Variants in MAN2A1 observed in about 807,000 individuals in gnomAD.
MAN2A1 encodes mannosidase alpha class 2A member 1, also known as alpha-mannosidase 2.
In MAN2A1, 76 loss-of-function variants were observed where a neutral mutation model predicts 142.6. That is an observed-to-expected ratio of 0.53 (90% CI 0.44 to 0.65). MAN2A1 has a LOEUF of 0.65. Among genes scored for constraint, MAN2A1 ranks in the 30% least tolerant of loss-of-function variants. The pLI is 0.00. For synonymous variants in MAN2A1, 559 were observed against 473.2 expected (o/e 1.18, Z -2.35); for missense variants, 1,311 against 1,365.1 (o/e 0.96, Z 0.62).
chr5:109,690,950 C>T (rs1750653684), intron 1 of MAN2A1, among the ~76,000 whole-genome samples: 1 of 152,166 alleles, frequency 6.6e-6, no homozygotes, highest in African/African-American at 2.4e-5. Flanking sequence ...AAGCCGCCCG[C>T]ACCAGCCCAG....
At chr5:109,693,690 A>C (rs1750735800) in intron 1 of MAN2A1, among the ~76,000 whole-genome samples, 1 of 152,018 alleles carries the variant, frequency 6.6e-6, no homozygotes, top group Non-Finnish European at 1.5e-5. Flanking sequence ...AGGGTGCTCC[A>C]GTTTCTCTCA....
At chr5:109,720,709 T>G (rs2112571605) in intron 3 of MAN2A1, among the ~76,000 whole-genome samples, 1 of 152,228 alleles carries the variant, frequency 6.6e-6, no homozygotes, top group African/African-American at 2.4e-5. Flanking sequence ...TCAAAATATT[T>G]TGAGAAAGTT....
rs1205296598 is a variant in MAN2A1 at position 109,734,195 on chromosome 5, G to A, written c.707+4682G>A. ...CTGATGGTAGTTTGTATTTCTGTGG[G>A]ATCGGTGGTGATATCCCCTTTATCA... is the stretch of plus-strand genomic sequence containing the variant. On this transcript the variant is annotated intron_variant, in intron 4 of 21. Transcript: ENST00000261483. Among the ~76,000 whole-genome samples the A allele has an allele frequency of 3.3e-5, 5 of 151,132 alleles. No individual in the cohort carries two copies. The East Asian group carries it at 9.7e-4, about 29-fold the overall frequency.
intron 1 of MAN2A1, among the ~76,000 whole-genome samples, chr5:109,712,174 A>T (rs1751320355): frequency 6.6e-6 from 1 of 150,618 alleles, no homozygotes; most frequent in African/African-American, 2.4e-5. Context: ...TGCTCAAATG[A>T]TTGGCCTTTT....
intron 4 of MAN2A1, among the ~76,000 whole-genome samples, chr5:109,739,627 A>T (rs188289570): frequency 5.3e-5 from 8 of 152,096 alleles, no homozygotes; most frequent in Non-Finnish European, 1.2e-4. Context: ...TTTTTTATTT[A>T]TCCGTGAGCA....
intron 19 of MAN2A1, among the ~76,000 whole-genome samples, chr5:109,852,102 C>T (rs1264165211): frequency 1.3e-5 from 2 of 148,386 alleles, no homozygotes; most frequent in African/African-American, 2.5e-5. Context: ...TTTGAGGTTG[C>T]TTTTTTATTA....
At chr5:109,776,731 C>A (rs1344552816) in intron 8 of MAN2A1, among the ~76,000 whole-genome samples, 1 of 152,098 alleles carries the variant, frequency 6.6e-6, no homozygotes, top group East Asian at 1.9e-4. Context: ...CTTTTATTGT[C>A]CCTCAGATCT....
intron 3 of MAN2A1, among the ~76,000 whole-genome samples, chr5:109,724,207 C>T (rs1003257376): frequency 2.0e-5 from 3 of 151,854 alleles, no homozygotes; most frequent in Admixed American, 6.6e-5. Flanking sequence ...GAAACCTGTT[C>T]GTCATTTTTT....
At chr5:109,850,948 T>C (rs964078198) in intron 19 of MAN2A1, among the ~76,000 whole-genome samples, 7 of 152,202 alleles carry the variant, frequency 4.6e-5, no homozygotes, top group Admixed American at 3.9e-4. Flanking sequence ...AGACACTTAA[T>C]TGATGAAAGT....
chr5:109,793,135 T>G (rs1214733680), intron 12 of MAN2A1, among the ~76,000 whole-genome samples: 1 of 152,104 alleles, frequency 6.6e-6, no homozygotes, highest in African/African-American at 2.4e-5. Flanking sequence ...AGTTCACCTA[T>G]AGGCTACCTC....
At chr5:109,837,275 T>G (rs941215824) in intron 16 of MAN2A1, among the ~76,000 whole-genome samples, 9 of 150,954 alleles carry the variant, frequency 6.0e-5, no homozygotes, top group Admixed American at 3.3e-4. Flanking sequence ...TAAAAGAGAG[T>G]TTTGGGTTGT....
In MAN2A1 at chr5:109,690,224, G is replaced by C; in HGVS notation, c.-194G>C. ...CGACCCCGGGGAGGGCGGCAGGCCA[G>C]GGCGAAGGCCAAGGGCGTGTGGTGG... On this transcript the variant is annotated 5_prime_UTR_variant, in exon 1 of 22. Transcript: ENST00000261483. 1.7e-6 allele frequency: 1 copy of C among 593,028 alleles called. No homozygotes were observed. The highest frequency in any genetic ancestry group is 3.0e-6 in the Non-Finnish European group (1 of 334,418). 36.7% of individuals were successfully genotyped at this position (593,028 alleles called of 1,614,324 possible). A position where few individuals can be genotyped will look rare whatever the true frequency, so the allele number is the denominator to read the frequency against.
intron 4 of MAN2A1, among the ~76,000 whole-genome samples, chr5:109,730,104 T>C (rs1368352591): frequency 1.3e-5 from 2 of 152,196 alleles, no homozygotes; most frequent in East Asian, 3.8e-4. Context: ...GACACCTGTA[T>C]AGTTTGTTTC....
intron 15 of MAN2A1, among the ~76,000 whole-genome samples, chr5:109,823,040 C>A (rs1476185234): frequency 6.6e-6 from 1 of 152,170 alleles, no homozygotes; most frequent in Non-Finnish European, 1.5e-5. Context: ...TATTGTTGAG[C>A]TAAGGTATCT....
chr5:109,785,018 C>T, intron 10 of MAN2A1, 92 bp downstream of exon 10: 1 of 846,364 alleles, frequency 1.2e-6, no homozygotes, highest in Non-Finnish European at 1.8e-6. Flanking sequence ...TAGTGTATAT[C>T]AAACCACATT....
chr5:109,822,682 A>T (rs938331349), intron 15 of MAN2A1, among the ~76,000 whole-genome samples: 254 of 148,210 alleles, frequency 1.7e-3, no homozygotes, highest in African/African-American at 3.6e-3. Context: ...TGAAAAAAAA[A>T]TTTTTTTTTT....
chr5:109,701,935 TAATC>T (rs1750995205), intron 1 of MAN2A1, among the ~76,000 whole-genome samples: 1 of 152,082 alleles, frequency 6.6e-6, no homozygotes, highest in Non-Finnish European at 1.5e-5. Context: ...TTAGTGGAAA[TAATC>T]AAGTGGGCTG....
In MAN2A1 at chr5:109,781,566, A is replaced by G. The variant is rs1753458277; in HGVS notation, c.1545A>G (p.Lys515=). ...ATTTTACATCCAGACCCTTTTACAA[A>G]CGAATGGACAGAATCATGGAATCTC... ...SGYFTSRPFY[K]RMDRIMESHL... is the part of the protein sequence containing the mutation. The change falls in exon 9 of 22, where the codon AAA becomes AAG. Residue 515 remains lysine, a synonymous_variant. Transcript: ENST00000261483. 6.2e-7 allele frequency: 1 copy of G among 1,608,996 alleles called. No homozygotes were observed. The highest frequency in any genetic ancestry group is 2.2e-5 in the East Asian group (1 of 44,730).
Position 109,820,203 on chromosome 5 carries a change from T to A in MAN2A1, c.2329-17T>A. 1 of 1,536,610 alleles carries A rather than the reference T, an allele frequency of 6.5e-7. No homozygotes were observed. The highest frequency in any genetic ancestry group is 1.8e-5 in the Admixed American group (1 of 56,596). ...CTTAGTGGTGAGTTGCTTATTATTA[T>A]TTTTTTTAATCTTTAGCAAATGATG... On this transcript the variant is annotated splice_polypyrimidine_tract_variant and intron_variant, in intron 14 of 21. Coordinates refer to ENST00000261483, the MANE Select transcript of MAN2A1 (RefSeq NM_002372.4).
Sources: allele counts gnomAD v4.1 joint callset (sites outside exome capture counted in the v4.1 genomes callset), GRCh38; gene constraint gnomAD v4.1.1; transcripts MANE v1.5; gene names NCBI Gene and HGNC (gene_info 2026-07-23, HGNC 2026-07-21).